Variants in CNTN5 observed in about 807,000 individuals in gnomAD.
The protein encoded by CNTN5 is contactin-5.
A neutral mutation model predicts 129.1 loss-of-function variants in CNTN5; 77 were observed. The observed-to-expected ratio is 0.60, with a 90% CI of 0.50 to 0.72. The LOEUF (loss-of-function observed/expected upper bound fraction) is 0.72, where lower values mean the gene tolerates loss of function less well. Ranked by LOEUF, CNTN5 falls within the 30% of genes least tolerant of loss-of-function variation. The pLI is 0.00. For synonymous variants in CNTN5, 509 were observed against 465.6 expected (o/e 1.09, Z -1.20); for missense variants, 1,478 against 1,328.8 (o/e 1.11, Z -1.75).
intron 1 of CNTN5, among the ~76,000 whole-genome samples, chr11:99,147,923 T>G (rs2135480027): frequency 6.6e-6 from 1 of 152,192 alleles, no homozygotes; most frequent in Admixed American, 6.6e-5. Flanking sequence ...TATTTATATG[T>G]TAATTTTTAG....
intron 6 of CNTN5, among the ~76,000 whole-genome samples, chr11:99,859,096 T>C (rs1319953704): frequency 6.6e-6 from 1 of 152,164 alleles, no homozygotes; most frequent in Non-Finnish European, 1.5e-5. Flanking sequence ...CTAGATCTCT[T>C]AAGAAACTAA....
intron 1 of CNTN5, among the ~76,000 whole-genome samples, chr11:99,034,680 C>T (rs1863612673): frequency 6.6e-6 from 1 of 151,996 alleles, no homozygotes; most frequent in Non-Finnish European, 1.5e-5. Context: ...ATTAGTCTTG[C>T]TAGCAGTTTA....
At chr11:100,129,569 T>A (rs1056732220) in intron 13 of CNTN5, among the ~76,000 whole-genome samples, 2 of 152,166 alleles carry the variant, frequency 1.3e-5, no homozygotes, top group Admixed American at 6.6e-5. Context: ...GGCATAAATA[T>A]ATGGCTCTCT....
At chr11:100,040,081 T>A (rs1942280633) in intron 9 of CNTN5, among the ~76,000 whole-genome samples, 1 of 152,162 alleles carries the variant, frequency 6.6e-6, no homozygotes. Flanking sequence ...TGCTCTTTTT[T>A]TTTCCCATCT....
chr11:99,144,582 G>A (rs952200231), intron 1 of CNTN5, among the ~76,000 whole-genome samples: 1 of 151,950 alleles, frequency 6.6e-6, no homozygotes, highest in South Asian at 2.1e-4. Context: ...TTCAGTTGGT[G>A]GTGTCCTATA....
chr11:99,941,219 C>T (rs753422494), intron 7 of CNTN5, among the ~76,000 whole-genome samples: 1 of 151,996 alleles, frequency 6.6e-6, no homozygotes, highest in Non-Finnish European at 1.5e-5. Flanking sequence ...GTCCTTATCT[C>T]AACATATCTA....
intron 1 of CNTN5, among the ~76,000 whole-genome samples, chr11:99,137,598 A>G (rs1859296693): frequency 6.6e-6 from 1 of 152,178 alleles, no homozygotes; most frequent in Non-Finnish European, 1.5e-5. Flanking sequence ...TGTTTTAAAA[A>G]TTATCTAAAG....
At chr11:99,321,076 C>T (rs1865549974) in intron 1 of CNTN5, among the ~76,000 whole-genome samples, 5 of 152,034 alleles carry the variant, frequency 3.3e-5, no homozygotes, top group Non-Finnish European at 5.9e-5. Flanking sequence ...TCAGCTTTTG[C>T]TGTGTTTTGA....
intron 1 of CNTN5, among the ~76,000 whole-genome samples, chr11:99,229,567 G>C (rs1318099112): frequency 2.1e-5 from 3 of 145,316 alleles, no homozygotes; most frequent in Admixed American, 1.4e-4. Flanking sequence ...GTCAATAAAA[G>C]GGAAAGAAAG....
At chr11:99,081,321 T>A (rs992162957) in intron 1 of CNTN5, among the ~76,000 whole-genome samples, 4 of 152,168 alleles carry the variant, frequency 2.6e-5, no homozygotes, top group African/African-American at 9.7e-5. Context: ...CTCATTAATT[T>A]AACAAAGAAA....
At chr11:99,278,279 A>G (rs2135880178) in intron 1 of CNTN5, among the ~76,000 whole-genome samples, 1 of 151,636 alleles carries the variant, frequency 6.6e-6, no homozygotes, top group East Asian at 1.9e-4. Flanking sequence ...TTTTATTCAC[A>G]AGAACCCTGT....
chr11:100,197,098 G>T (rs188651052), intron 15 of CNTN5, among the ~76,000 whole-genome samples: 1 of 151,974 alleles, frequency 6.6e-6, no homozygotes, highest in South Asian at 2.1e-4. Flanking sequence ...CAAATGGAAG[G>T]ATTTCAGCAG....
chr11:99,105,380 G>A (rs969947747), intron 1 of CNTN5, among the ~76,000 whole-genome samples: 2 of 152,136 alleles, frequency 1.3e-5, no homozygotes, highest in African/African-American at 4.8e-5. Context: ...AATATGTTAT[G>A]TCCTGGACAT....
At chr11:99,706,092 T>C (rs143402492) in intron 3 of CNTN5, among the ~76,000 whole-genome samples, 169 of 151,534 alleles carry the variant, frequency 1.1e-3, no homozygotes, top group African/African-American at 3.7e-3. Context: ...TAAAGAGTAA[T>C]GATAATAGCA....
chr11:99,453,255 G>A lies in CNTN5; in HGVS notation c.-70-102890G>A, dbSNP rs117280256. Among the ~76,000 whole-genome samples, 997 of 152,250 alleles carry A rather than the reference G, an allele frequency of 6.5e-3. 5 individuals carry two copies. Among genetic ancestry groups the A allele is most frequent in the Non-Finnish European group, 0.011 (779 of 68,004 alleles). ...AGTTAGAGAGAAGCCTAATTATGCT[G>A]TACATACTCAATTTTTACTAATCGT... On this transcript the variant is annotated intron_variant, in intron 2 of 24. Coordinates refer to ENST00000524871, the MANE Select transcript of CNTN5 (RefSeq NM_014361.4).
At chr11:99,798,104 T>G (rs1364593218) in intron 3 of CNTN5, among the ~76,000 whole-genome samples, 2 of 152,078 alleles carry the variant, frequency 1.3e-5, no homozygotes, top group African/African-American at 4.8e-5. Context: ...ATCCTTTCCC[T>G]CCTCCTACCC....
intron 6 of CNTN5, among the ~76,000 whole-genome samples, chr11:99,881,867 C>G (rs1948780769): frequency 6.6e-6 from 1 of 152,202 alleles, no homozygotes; most frequent in Non-Finnish European, 1.5e-5. Context: ...TGATAACATT[C>G]TATAGCTTCC....
intron 18 of CNTN5, among the ~76,000 whole-genome samples, chr11:100,296,008 T>A (rs1487926870): frequency 6.6e-6 from 1 of 151,548 alleles, no homozygotes; most frequent in East Asian, 1.9e-4. Context: ...ATATATTTTA[T>A]CCACTATTTA....
At chr11:99,450,282 A>G (rs931381485) in intron 2 of CNTN5, among the ~76,000 whole-genome samples, 80 of 135,566 alleles carry the variant, frequency 5.9e-4, no homozygotes, top group African/African-American at 2.0e-3. Context: ...ATATATATAT[A>G]TATGTTTGTG....
Sources: allele counts gnomAD v4.1 joint callset (sites outside exome capture counted in the v4.1 genomes callset), GRCh38; gene constraint gnomAD v4.1.1; transcripts MANE v1.5; gene names NCBI Gene and HGNC (gene_info 2026-07-23, HGNC 2026-07-21).